The following SND1 variants were observed in gnomAD, a reference collection of about 807,000 sequenced individuals.
The protein encoded by SND1 is staphylococcal nuclease and tudor domain containing 1.
Under a neutral mutation model 121.7 loss-of-function variants are expected in SND1, and 38 were observed. That is an observed-to-expected ratio of 0.31 (90% CI 0.24 to 0.41). SND1 has a LOEUF of 0.41. SND1 is among the 10% of genes least tolerant of loss of function. SND1 has a pLI of 1.00. For missense variants in SND1, 868 were observed against 1,184.6 expected, an observed-to-expected ratio of 0.73 and a Z score of 3.92; for synonymous variants, 401 against 447.4, an observed-to-expected ratio of 0.90 and a Z score of 1.31.
intron 10 of SND1, among the ~76,000 whole-genome samples, chr7:127,728,638 A>G (rs190852065): frequency 6.6e-6 from 1 of 152,290 alleles, no homozygotes; most frequent in Admixed American, 6.5e-5. Flanking sequence ...GTGAAGTCTC[A>G]CCTCTACCAA....
chr7:127,967,187 A>C (rs1434150920), intron 15 of SND1, among the ~76,000 whole-genome samples: 1 of 152,166 alleles, frequency 6.6e-6, no homozygotes, highest in Non-Finnish European at 1.5e-5. Context: ...GTGCTGGAGA[A>C]GGCAGAAGGT....
intron 10 of SND1, among the ~76,000 whole-genome samples, chr7:127,749,372 A>C (rs566393893): frequency 6.6e-6 from 1 of 152,342 alleles, no homozygotes; most frequent in African/African-American, 2.4e-5. Context: ...AACAGTCTTG[A>C]AAGCTATCTA....
intron 11 of SND1, among the ~76,000 whole-genome samples, chr7:127,819,553 G>C (rs550794081): frequency 6.6e-6 from 1 of 152,144 alleles, no homozygotes; most frequent in Non-Finnish European, 1.5e-5. Context: ...AGAGGCAGGT[G>C]GCCCCACCTT....
intron 1 of SND1, among the ~76,000 whole-genome samples, chr7:127,660,953 C>G (rs560152246): frequency 5.9e-5 from 9 of 152,224 alleles, no homozygotes; most frequent in Non-Finnish European, 8.8e-5. Context: ...AAAAGCCACT[C>G]CTAGGCTATT....
In SND1 at chr7:127,701,241, T is replaced by A. The variant is rs761356063; in HGVS notation, c.507T>A (p.Gly169=). 5.0e-6 allele frequency: 8 copies of A among 1,613,912 alleles called. No homozygotes were observed. In the East Asian group the frequency reaches 1.6e-4, roughly 31 times the overall value. ...AKKGMWSEGN[G]SHTIRDLKYT... ...AAGGGATGTGGAGTGAGGGGAACGGTTCACATACTATCCGGGATCTCAAGT... is the reference window on the plus strand; with the variant it reads ...AAGGGATGTGGAGTGAGGGGAACGGATCACATACTATCCGGGATCTCAAGT... The change falls in exon 5 of 24, where the codon GGT becomes GGA. Residue 169 remains glycine (G), a synonymous_variant. Transcript: ENST00000354725.
intron 1 of SND1, among the ~76,000 whole-genome samples, chr7:127,669,115 C>G (rs982758146): frequency 3.3e-5 from 5 of 152,180 alleles, no homozygotes; most frequent in African/African-American, 1.2e-4. Flanking sequence ...GCGTCAGCCT[C>G]CTGAATAGCT....
intron 15 of SND1, among the ~76,000 whole-genome samples, chr7:127,962,126 A>G (rs1252054369): frequency 6.6e-6 from 1 of 152,226 alleles, no homozygotes; most frequent in Non-Finnish European, 1.5e-5. Flanking sequence ...GAGTTCTAAT[A>G]TAAAGCTGAG....
chr7:128,067,830 T>C (rs780618845), intron 16 of SND1, among the ~76,000 whole-genome samples: 4 of 151,880 alleles, frequency 2.6e-5, no homozygotes, highest in Admixed American at 6.6e-5. Flanking sequence ...CCTCCCCCCA[T>C]TGCTAGTAAA....
At chr7:127,694,710 G>A (rs1795978346) in intron 2 of SND1, 118 bp from the exon 3 acceptor site, 7 of 1,162,890 alleles carry the variant, frequency 6.0e-6, no homozygotes, top group Non-Finnish European at 6.2e-6. Context: ...AAGGTCCAGC[G>A]CAGGGCCAGG....
At chr7:128,034,360 C>A (rs1291046311) in intron 16 of SND1, among the ~76,000 whole-genome samples, 2 of 152,314 alleles carry the variant, frequency 1.3e-5, no homozygotes, top group East Asian at 1.9e-4. Flanking sequence ...TCCATCTGGG[C>A]ACTCAGACTT....
At position 127,840,417 on chromosome 7, in the gene SND1, C is replaced by T. The variant is rs772628337; in HGVS notation, c.1243-3907C>T. On this transcript the variant is annotated intron_variant, in intron 11 of 23. Transcript: ENST00000354725. ...GTCACTCATTGCTATAAACAGGGAT[C>T]AGGGTCTGAGTCAGTTATATAGCCC... Among the ~76,000 whole-genome samples, 125 of 152,124 alleles carry T rather than the reference C, an allele frequency of 8.2e-4. 1 individual carries two copies. The highest frequency in any genetic ancestry group is 1.5e-3 in the Non-Finnish European group (101 of 68,014).
At chr7:127,910,037 C>T (rs1193957983) in intron 14 of SND1, among the ~76,000 whole-genome samples, 1 of 152,216 alleles carries the variant, frequency 6.6e-6, no homozygotes, top group African/African-American at 2.4e-5. Context: ...ATAGCACTGT[C>T]ATCCTTTCTT....
chr7:127,763,956 T>A (rs1797356948), intron 10 of SND1, among the ~76,000 whole-genome samples: 2 of 148,796 alleles, frequency 1.3e-5, no homozygotes, highest in African/African-American at 5.0e-5. Flanking sequence ...CAGTCCCAGC[T>A]ACTTTGGAGG....
intron 13 of SND1, among the ~76,000 whole-genome samples, chr7:127,891,947 A>C (rs145920807): frequency 6.6e-6 from 1 of 152,250 alleles, no homozygotes; most frequent in East Asian, 1.9e-4. Flanking sequence ...GACACTCTTT[A>C]GGTAAATAAT....
chr7:127,911,304 C>T (rs1239429210), intron 14 of SND1, among the ~76,000 whole-genome samples: 1 of 152,208 alleles, frequency 6.6e-6, no homozygotes, highest in Non-Finnish European at 1.5e-5. Context: ...TCGTAAGTTT[C>T]TCCCAGACTT....
intron 16 of SND1, chr7:128,028,764 G>C (rs1409387751): frequency 6.2e-7 from 1 of 1,614,002 alleles, no homozygotes; most frequent in African/African-American, 1.3e-5. Context: ...GGGGTGCAGA[G>C]AGTTCCCCAG....
At chr7:127,729,629 C>T (rs1466804283) in intron 10 of SND1, among the ~76,000 whole-genome samples, 1 of 151,968 alleles carries the variant, frequency 6.6e-6, no homozygotes, top group East Asian at 1.9e-4. Flanking sequence ...ACTTTAGGCA[C>T]TGTAGGTCTG....
chr7:128,056,995 G>A (rs191013712), intron 16 of SND1, among the ~76,000 whole-genome samples: 5 of 152,232 alleles, frequency 3.3e-5, no homozygotes, highest in African/African-American at 7.2e-5. Flanking sequence ...AGTTACAGGC[G>A]GGTAGCATCT....
At chr7:127,697,911 G>T (rs1264291610) in intron 3 of SND1, among the ~76,000 whole-genome samples, 1 of 152,086 alleles carries the variant, frequency 6.6e-6, no homozygotes, top group Non-Finnish European at 1.5e-5. Flanking sequence ...AGATTATCTT[G>T]GAGCTTGTTC....
Sources: gnomAD v4.1 joint callset for allele counts (sites outside exome capture counted in the v4.1 genomes callset) on GRCh38, gnomAD v4.1.1 for gene constraint, MANE v1.5 for transcripts, NCBI Gene and HGNC (gene_info 2026-07-23, HGNC 2026-07-21) for gene names.